Variants in FAM168A observed in about 807,000 individuals in gnomAD.
FAM168A encodes protein FAM168A.
FAM168A carries 3 observed loss-of-function variants against 28.5 expected under a neutral mutation model. That is an observed-to-expected ratio of 0.11 (90% CI 0.05 to 0.27). The LOEUF is 0.27. Ranked by LOEUF, FAM168A falls within the 10% of genes least tolerant of loss-of-function variation. FAM168A has a pLI of 1.00. For missense variants in FAM168A, 222 were observed against 311.5 expected (o/e 0.71, Z 2.16); for synonymous variants, 122 against 124.2 (o/e 0.98, Z 0.12).
chr11:73,439,504 A>G (rs1355192249), intron 2 of FAM168A, among the ~76,000 whole-genome samples: 2 of 152,220 alleles, frequency 1.3e-5, no homozygotes, highest in African/African-American at 4.8e-5. Flanking sequence ...AACAAAAAAG[A>G]TAAGAAAATA....
intron 1 of FAM168A, among the ~76,000 whole-genome samples, chr11:73,471,562 G>C (rs1867814123): frequency 6.6e-6 from 1 of 152,112 alleles, no homozygotes; most frequent in Non-Finnish European, 1.5e-5. Flanking sequence ...TTCTTCAAAA[G>C]CCTTATGAAT....
intron 2 of FAM168A, among the ~76,000 whole-genome samples, chr11:73,440,767 C>G (rs1157959831): frequency 6.6e-6 from 1 of 152,082 alleles, no homozygotes; most frequent in Admixed American, 6.5e-5. Flanking sequence ...AAAAAATTAA[C>G]TAATTAAAAC....
chr11:73,589,626 T>C (rs893480125), intron 1 of FAM168A, among the ~76,000 whole-genome samples: 1 of 152,260 alleles, frequency 6.6e-6, no homozygotes, highest in Non-Finnish European at 1.5e-5. Flanking sequence ...TCCACAATTA[T>C]ATAAAAACAT....
At chr11:73,462,437 T>TG (rs1016503016) in intron 2 of FAM168A, among the ~76,000 whole-genome samples, 2 of 151,904 alleles carry the variant, frequency 1.3e-5, no homozygotes, top group African/African-American at 4.8e-5. Flanking sequence ...TGCCAGGAGC[T>TG]GGGGGGGAGG....
chr11:73,480,837 A>C (rs1867958286), intron 1 of FAM168A, among the ~76,000 whole-genome samples: 1 of 152,214 alleles, frequency 6.6e-6, no homozygotes, highest in Admixed American at 6.5e-5. Flanking sequence ...TCTTTCTATG[A>C]TATCATGCTG....
intron 1 of FAM168A, among the ~76,000 whole-genome samples, chr11:73,520,787 G>A (rs1336165747): frequency 6.6e-6 from 1 of 151,446 alleles, no homozygotes; most frequent in Non-Finnish European, 1.5e-5. Flanking sequence ...CTGTCCAATG[G>A]CTTTGTTCCT....
At chr11:73,410,584 C>G (rs998249673) in intron 5 of FAM168A, 3 of 152,074 alleles carry the variant, frequency 2.0e-5, no homozygotes, top group Non-Finnish European at 4.4e-5. Context: ...GGCCCACTGA[C>G]TTGTAGGGGA....
At chr11:73,578,909 G>A (rs1944209353) in intron 1 of FAM168A, among the ~76,000 whole-genome samples, 1 of 152,150 alleles carries the variant, frequency 6.6e-6, no homozygotes, top group African/African-American at 2.4e-5. Context: ...ATCTTAGTCA[G>A]CTCAGGCTGC....
chr11:73,484,677 T>G (rs1868026025), intron 1 of FAM168A, among the ~76,000 whole-genome samples: 3 of 139,498 alleles, frequency 2.2e-5, no homozygotes, highest in East Asian at 4.1e-4. Flanking sequence ...TATAGATATG[T>G]ATCGCTATAG....
chr11:73,481,784 T>C (rs1186737026), intron 1 of FAM168A, among the ~76,000 whole-genome samples: 1 of 152,214 alleles, frequency 6.6e-6, no homozygotes, highest in Admixed American at 6.5e-5. Flanking sequence ...GGTCTAAATA[T>C]GTCTCCCAAA....
intron 1 of FAM168A, among the ~76,000 whole-genome samples, chr11:73,538,807 G>A (rs75506404): frequency 0.032 from 4,923 of 152,224 alleles, 233 homozygotes; most frequent in African/African-American, 0.11. Context: ...TAAACAGAGC[G>A]TCCCCAAATC....
intron 4 of FAM168A, among the ~76,000 whole-genome samples, chr11:73,413,957 G>A (rs1213695078): frequency 2.0e-5 from 3 of 152,126 alleles, no homozygotes; most frequent in African/African-American, 7.2e-5. Context: ...CAGCTACTTG[G>A]GAGGCTGAGG....
intron 1 of FAM168A, among the ~76,000 whole-genome samples, chr11:73,529,352 C>T (rs759847796): frequency 1.3e-5 from 2 of 152,328 alleles, no homozygotes; most frequent in African/African-American, 2.4e-5. Flanking sequence ...GTCTCTCAAC[C>T]TTTCTGAGCC....
At chr11:73,529,375 T>C (rs1943488219) in intron 1 of FAM168A, among the ~76,000 whole-genome samples, 1 of 152,218 alleles carries the variant, frequency 6.6e-6, no homozygotes, top group South Asian at 2.1e-4. Flanking sequence ...AGTTTCACCA[T>C]CTGTAAAATG....
At chr11:73,421,820 G>C (rs1355128522) in intron 3 of FAM168A, among the ~76,000 whole-genome samples, 1 of 152,222 alleles carries the variant, frequency 6.6e-6, no homozygotes, top group Non-Finnish European at 1.5e-5. Context: ...AATGCCATTA[G>C]GGGGCAGGAG....
intron 1 of FAM168A, among the ~76,000 whole-genome samples, chr11:73,522,755 G>C (rs1424715690): frequency 6.6e-6 from 1 of 151,258 alleles, no homozygotes; most frequent in Non-Finnish European, 1.5e-5. Context: ...GCTCACGCCT[G>C]TAATCCCAGC....
chr11:73,445,402 T>TA lies in FAM168A; in HGVS notation c.71-14633dup, dbSNP rs888318266. ...AACTAGAATACAAACACCCAGTAGA[T>TA]ATATGTAAAAATGTCTCTTTTTTTT... On this transcript the variant is annotated intron_variant, in intron 2 of 7. Transcript: ENST00000356467. 1.4e-5 allele frequency among the ~76,000 whole-genome samples: 2 copies of TA among 144,756 alleles called. 1 individual carries two copies. Among genetic ancestry groups the TA allele is most frequent in the Admixed American group, 1.4e-4 (2 of 14,340 alleles). The allele number at this position is 144,756 out of a possible 152,430, so 95.0% of individuals were successfully genotyped here.
intron 2 of FAM168A, among the ~76,000 whole-genome samples, chr11:73,466,875 C>T (rs1867743520): frequency 6.6e-6 from 1 of 152,056 alleles, no homozygotes; most frequent in South Asian, 2.1e-4. Context: ...CTTTTTACAG[C>T]CACCAGGGGT....
At chr11:73,556,499 A>G (rs2134698448) in intron 1 of FAM168A, among the ~76,000 whole-genome samples, 1 of 152,124 alleles carries the variant, frequency 6.6e-6, no homozygotes, top group Admixed American at 6.5e-5. Flanking sequence ...CATCAAAATC[A>G]CAGAGACAGA....
Sources: allele counts gnomAD v4.1 joint callset (sites outside exome capture counted in the v4.1 genomes callset), GRCh38; gene constraint gnomAD v4.1.1; transcripts MANE v1.5; gene names NCBI Gene and HGNC (gene_info 2026-07-23, HGNC 2026-07-21).